Variants in ANO10 observed in about 807,000 individuals in gnomAD.
The protein encoded by ANO10 is anoctamin 10, also known as anoctamin-10.
ANO10 carries 77 observed loss-of-function variants against 74.7 expected under a neutral mutation model. The observed-to-expected ratio is 1.03, with a 90% CI of 0.86 to 1.25. The LOEUF (loss-of-function observed/expected upper bound fraction) is 1.25, where lower values mean the gene tolerates loss of function less well. ANO10 is among the 50% of genes most tolerant of loss of function. ANO10 has a pLI of 0.00. For missense variants in ANO10, 721 were observed against 778.1 expected (o/e 0.93, Z 0.87); for synonymous variants, 279 against 284.9 (o/e 0.98, Z 0.21).
intron 9 of ANO10, among the ~76,000 whole-genome samples, chr3:43,560,306 G>C (rs2079966794): frequency 6.6e-6 from 1 of 152,208 alleles, no homozygotes; most frequent in Admixed American, 6.5e-5. Context: ...TGGAGGCTCA[G>C]TGGGGGCAAC....
intron 12 of ANO10, among the ~76,000 whole-genome samples, chr3:43,380,164 C>T (rs1289789863): frequency 6.6e-6 from 1 of 152,052 alleles, no homozygotes; most frequent in Non-Finnish European, 1.5e-5. Context: ...ATTAACAAAG[C>T]CTCCGAGAAG....
chr3:43,476,629 T>C (rs769411751), intron 11 of ANO10, among the ~76,000 whole-genome samples: 1 of 152,228 alleles, frequency 6.6e-6, no homozygotes, highest in African/African-American at 2.4e-5. Flanking sequence ...TATGGAGTTT[T>C]CTCCTTACTT....
At chr3:43,528,966 A>C (rs1004179390) in intron 11 of ANO10, among the ~76,000 whole-genome samples, 12 of 152,188 alleles carry the variant, frequency 7.9e-5, no homozygotes, top group Non-Finnish European at 5.9e-5. Context: ...CTCAAAAAAA[A>C]CCCACATAAA....
intron 11 of ANO10, among the ~76,000 whole-genome samples, chr3:43,479,217 T>C (rs1306362191): frequency 6.6e-6 from 1 of 152,236 alleles, no homozygotes; most frequent in African/African-American, 2.4e-5. Flanking sequence ...TAAGGCCTAA[T>C]TGTATAAAAG....
At chr3:43,491,097 C>A (rs904676664) in intron 11 of ANO10, among the ~76,000 whole-genome samples, 4 of 152,110 alleles carry the variant, frequency 2.6e-5, no homozygotes, top group African/African-American at 9.7e-5. Flanking sequence ...GCGTACAACT[C>A]CAGTAAACAC....
At chr3:43,460,868 G>T (rs1034415912) in intron 11 of ANO10, among the ~76,000 whole-genome samples, 2 of 151,618 alleles carry the variant, frequency 1.3e-5, no homozygotes, top group Non-Finnish European at 2.9e-5. Context: ...TCACAGAAAA[G>T]GAACAATTGA....
intron 11 of ANO10, among the ~76,000 whole-genome samples, chr3:43,492,784 A>T (rs2076772402): frequency 6.6e-6 from 1 of 152,178 alleles, no homozygotes; most frequent in African/African-American, 2.4e-5. Flanking sequence ...AAGTCATGAA[A>T]CAACAGATGC....
chr3:43,417,328 A>G (rs1279860995), intron 12 of ANO10, among the ~76,000 whole-genome samples: 2 of 152,154 alleles, frequency 1.3e-5, no homozygotes, highest in Non-Finnish European at 2.9e-5. Flanking sequence ...GGCCAAGGGG[A>G]AAGTTTATTT....
At chr3:43,370,303 G>A (rs2091562217) in intron 12 of ANO10, among the ~76,000 whole-genome samples, 1 of 152,210 alleles carries the variant, frequency 6.6e-6, no homozygotes, top group Non-Finnish European at 1.5e-5. Context: ...CCCTGCAGTG[G>A]ACCCCAGACT....
intron 1 of ANO10, among the ~76,000 whole-genome samples, chr3:43,613,223 A>T (rs970060999): frequency 1.3e-5 from 2 of 152,198 alleles, no homozygotes; most frequent in Non-Finnish European, 2.9e-5. Flanking sequence ...ATGCTATTGA[A>T]AGATACCAGC....
chr3:43,493,795 G>C (rs1398390765), intron 11 of ANO10, among the ~76,000 whole-genome samples: 1 of 152,146 alleles, frequency 6.6e-6, no homozygotes, highest in Non-Finnish European at 1.5e-5. Flanking sequence ...GAGTGCAGTA[G>C]CATGATCACA....
intron 11 of ANO10, among the ~76,000 whole-genome samples, chr3:43,507,646 C>T (rs573859514): frequency 6.6e-6 from 1 of 151,780 alleles, no homozygotes; most frequent in Non-Finnish European, 1.5e-5. Flanking sequence ...GGCCCAGTGA[C>T]CAGGGACACT....
At chr3:43,517,650 A>G (rs1054905301) in intron 11 of ANO10, among the ~76,000 whole-genome samples, 1 of 152,168 alleles carries the variant, frequency 6.6e-6, no homozygotes, top group Non-Finnish European at 1.5e-5. Context: ...AGGTCTCAGA[A>G]TGGAACCTAC....
chr3:43,404,971 A>G (rs1362686585), intron 12 of ANO10, among the ~76,000 whole-genome samples: 2 of 152,168 alleles, frequency 1.3e-5, no homozygotes, highest in East Asian at 3.8e-4. Context: ...TTTATGCTAC[A>G]TTCTTGATGT....
chr3:43,450,439 G>A (rs924903666), intron 11 of ANO10, among the ~76,000 whole-genome samples: 3 of 152,164 alleles, frequency 2.0e-5, no homozygotes, highest in African/African-American at 4.8e-5. Flanking sequence ...TACTCGGGAC[G>A]CTGAGGCAAG....
At chr3:43,632,695 T>C (rs1178670714) in intron 1 of ANO10, among the ~76,000 whole-genome samples, 2 of 152,250 alleles carry the variant, frequency 1.3e-5, no homozygotes, top group African/African-American at 4.8e-5. Context: ...TATTCCAGCA[T>C]CTCCATGCAG....
intron 12 of ANO10, among the ~76,000 whole-genome samples, chr3:43,395,805 G>T (rs922767195): frequency 2.6e-5 from 4 of 151,766 alleles, no homozygotes; most frequent in Admixed American, 1.3e-4. Context: ...TTCTTATTGG[G>T]ATTATACTGA....
At chr3:43,593,706 C>T (rs533627179) in intron 4 of ANO10, among the ~76,000 whole-genome samples, 5 of 152,164 alleles carry the variant, frequency 3.3e-5, no homozygotes, top group East Asian at 1.9e-4. Context: ...CATCAACTAA[C>T]GAGCAAACTA....
chr3:43,405,631 G>A (rs940780265), intron 12 of ANO10, among the ~76,000 whole-genome samples: 3 of 152,004 alleles, frequency 2.0e-5, no homozygotes, highest in Non-Finnish European at 2.9e-5. Flanking sequence ...GCACTATCAC[G>A]CCCGGTTAAT....
Sources: allele counts gnomAD v4.1 joint callset (sites outside exome capture counted in the v4.1 genomes callset), GRCh38; gene constraint gnomAD v4.1.1; transcripts MANE v1.5; gene names NCBI Gene and HGNC (gene_info 2026-07-23, HGNC 2026-07-21).